Variants in CUL1 observed in about 807,000 individuals in gnomAD.
The protein encoded by CUL1 is cullin-1.
In CUL1, 24 loss-of-function variants were observed where a neutral mutation model predicts 118.0. That is an observed-to-expected ratio of 0.20 (90% CI 0.15 to 0.29). The LOEUF (loss-of-function observed/expected upper bound fraction) is 0.29. CUL1 is among the 10% of genes least tolerant of loss of function. The probability of loss-of-function intolerance (pLI) is 1.00; values close to 1 mark genes in which losing one functional copy is unlikely to be tolerated. For missense variants in CUL1, 361 were observed against 933.8 expected, an observed-to-expected ratio of 0.39 and a Z score of 7.99; for synonymous variants, 332 against 340.4, an observed-to-expected ratio of 0.98 and a Z score of 0.27.
At chr7:148,699,726 T>C (rs1361181503) in intron 1 of CUL1, among the ~76,000 whole-genome samples, 1 of 152,056 alleles carries the variant, frequency 6.6e-6, no homozygotes, top group African/African-American at 2.4e-5. Context: ...GCAGGGATGC[T>C]AGCCCGGCGG....
intron 2 of CUL1, among the ~76,000 whole-genome samples, chr7:148,742,804 A>G (rs930216705): frequency 1.3e-5 from 2 of 151,940 alleles, no homozygotes; most frequent in Admixed American, 6.6e-5. Context: ...GTGTTTGACC[A>G]TGTTGGCCAG....
At chr7:148,717,475 C>G (rs879751854) in intron 1 of CUL1, among the ~76,000 whole-genome samples, 2 of 151,956 alleles carry the variant, frequency 1.3e-5, no homozygotes, top group Non-Finnish European at 2.9e-5. Flanking sequence ...TCACCCCATC[C>G]GGTCTGACCA....
intron 9 of CUL1, among the ~76,000 whole-genome samples, chr7:148,770,936 C>T (rs6464925): frequency 0.78 from 119,156 of 152,228 alleles, 47,418 homozygotes; most frequent in African/African-American, 0.93. Context: ...AAGTTAGAAT[C>T]ATTGTACATG....
intron 2 of CUL1, among the ~76,000 whole-genome samples, chr7:148,750,993 A>AC (rs1799471534): frequency 6.6e-6 from 1 of 151,948 alleles, no homozygotes; most frequent in Admixed American, 6.6e-5. Context: ...TTAAAAAAAA[A>AC]AAAAAACAAA....
At chr7:148,722,705 A>G (rs1308649839) in intron 1 of CUL1, among the ~76,000 whole-genome samples, 1 of 152,094 alleles carries the variant, frequency 6.6e-6, no homozygotes, top group Non-Finnish European at 1.5e-5. Context: ...CACTCCTGAA[A>G]CCTATTATTG....
chr7:148,711,464 CTG>C (rs1006809298), intron 1 of CUL1, among the ~76,000 whole-genome samples: 1 of 152,206 alleles, frequency 6.6e-6, no homozygotes, highest in Non-Finnish European at 1.5e-5. Context: ...TGTCGCTTAA[CTG>C]TGCCCAGTTC....
At chr7:148,711,815 C>T (rs1380287414) in intron 1 of CUL1, among the ~76,000 whole-genome samples, 1 of 152,210 alleles carries the variant, frequency 6.6e-6, no homozygotes, top group East Asian at 1.9e-4. Flanking sequence ...CGGTTCACCA[C>T]ACATGAGGGA....
At chr7:148,729,283 A>T (rs1219462804) in intron 1 of CUL1, among the ~76,000 whole-genome samples, 1 of 152,176 alleles carries the variant, frequency 6.6e-6, no homozygotes, top group Admixed American at 6.5e-5. Flanking sequence ...TATCCATTTG[A>T]GGAAAGTAAT....
In CUL1 at chr7:148,701,471, C is replaced by G. The variant is rs554799101; in HGVS notation, c.-162+2442C>G. ...TTGTGAAACTTTAACTTTTTTCCCCCTTAAAACTAGTTTTAAGGTGTGGAT... is the reference window on the plus strand; with the variant it reads ...TTGTGAAACTTTAACTTTTTTCCCCGTTAAAACTAGTTTTAAGGTGTGGAT... On this transcript the variant is annotated intron_variant, in intron 1 of 21. Transcript: ENST00000325222. Among the ~76,000 whole-genome samples, 24 of 152,278 alleles carry G rather than the reference C, an allele frequency of 1.6e-4. 1 individual carries two copies. In the South Asian group the frequency reaches 4.8e-3, roughly 30 times the overall value.
intron 2 of CUL1, among the ~76,000 whole-genome samples, chr7:148,734,914 CT>C (rs1271370255): frequency 6.6e-6 from 1 of 151,984 alleles, no homozygotes; most frequent in Non-Finnish European, 1.5e-5. Flanking sequence ...ATGTTGATGT[CT>C]TTTTTTTCTC....
intron 1 of CUL1, among the ~76,000 whole-genome samples, chr7:148,711,235 A>C (rs535307646): frequency 6.6e-6 from 1 of 152,352 alleles, no homozygotes. Context: ...TTCGGAAAAT[A>C]CTAAAAAGTT....
chr7:148,774,496 A>T (rs1800332060), intron 9 of CUL1, among the ~76,000 whole-genome samples: 1 of 152,232 alleles, frequency 6.6e-6, no homozygotes, highest in Admixed American at 6.5e-5. Flanking sequence ...TCTTGACTAT[A>T]CAATTGATTC....
At chr7:148,725,724 G>A (rs990646011) in intron 1 of CUL1, among the ~76,000 whole-genome samples, 9 of 152,174 alleles carry the variant, frequency 5.9e-5, no homozygotes, top group Admixed American at 5.2e-4. Context: ...TTTTCATGAT[G>A]TGCCTACTTC....
chr7:148,783,123 T>C (rs1800698223), intron 9 of CUL1, among the ~76,000 whole-genome samples: 1 of 151,692 alleles, frequency 6.6e-6, no homozygotes, highest in South Asian at 2.1e-4. Flanking sequence ...CTCCGTCTCC[T>C]TTGCCTTCCA....
chr7:148,780,866 T>G (rs1476357917), intron 9 of CUL1, among the ~76,000 whole-genome samples: 1 of 152,182 alleles, frequency 6.6e-6, no homozygotes, highest in East Asian at 1.9e-4. Flanking sequence ...TTGATCCAGC[T>G]GATCTCTCTC....
intron 17 of CUL1, among the ~76,000 whole-genome samples, chr7:148,793,858 C>T (rs1801098790): frequency 6.6e-6 from 1 of 152,144 alleles, no homozygotes; most frequent in African/African-American, 2.4e-5. Context: ...TTCATATTCT[C>T]ACCAACAGTG....
intron 1 of CUL1, among the ~76,000 whole-genome samples, chr7:148,709,585 T>C (rs1010984060): frequency 6.6e-6 from 1 of 152,216 alleles, no homozygotes; most frequent in African/African-American, 2.4e-5. Context: ...CTACTTGAAG[T>C]ATAAGCTTAA....
intron 1 of CUL1, among the ~76,000 whole-genome samples, chr7:148,722,913 T>G (rs1195581954): frequency 6.6e-6 from 1 of 152,230 alleles, no homozygotes; most frequent in Non-Finnish European, 1.5e-5. Context: ...CATCATGCCC[T>G]AATCATGCCC....
chr7:148,788,073 G>C (rs1213448318), intron 13 of CUL1, among the ~76,000 whole-genome samples: 1 of 152,180 alleles, frequency 6.6e-6, no homozygotes, highest in Non-Finnish European at 1.5e-5. Context: ...CCTTCTTGCA[G>C]TGCCTCACGT....
Sources: allele counts gnomAD v4.1 joint callset (sites outside exome capture counted in the v4.1 genomes callset), GRCh38; gene constraint gnomAD v4.1.1; transcripts MANE v1.5; gene names NCBI Gene and HGNC (gene_info 2026-07-23, HGNC 2026-07-21).